Variants in COL28A1 observed in about 807,000 individuals in gnomAD.
The protein encoded by COL28A1 is collagen alpha-1(XXVIII) chain.
COL28A1 carries 161 observed loss-of-function variants against 150.2 expected under a neutral mutation model. That is an observed-to-expected ratio of 1.07 (90% CI 0.94 to 1.22). The LOEUF is 1.22. Ranked by LOEUF, COL28A1 falls within the 50% of genes most tolerant of loss-of-function variation. COL28A1 has a pLI of 0.00. For synonymous variants in COL28A1, 552 were observed against 469.7 expected (o/e 1.18, Z -2.26); for missense variants, 1,617 against 1,388.3 (o/e 1.16, Z -2.62).
At chr7:7,452,215 A>G (rs922409579) in intron 18 of COL28A1, 104 bp downstream of exon 18, 2 of 1,496,108 alleles carry the variant, frequency 1.3e-6, no homozygotes, top group Non-Finnish European at 1.8e-6. Context: ...CATTATGTAG[A>G]GTTAGATAAC....
intron 20 of COL28A1, among the ~76,000 whole-genome samples, chr7:7,442,627 A>G (rs6949534): frequency 0.099 from 15,021 of 152,280 alleles, 909 homozygotes; most frequent in Middle Eastern, 0.21. Flanking sequence ...CAAGACATCA[A>G]TTACTATTTT....
intron 21 of COL28A1, 61 bp downstream of exon 21, chr7:7,440,729 A>G (rs1785705417): frequency 5.8e-6 from 4 of 694,892 alleles, no homozygotes; most frequent in African/African-American, 1.9e-5. Context: ...ATTTAATACT[A>G]TATTAAAACC....
In COL28A1 at chr7:7,458,066, C is replaced by A. The variant is rs887082335; in HGVS notation, c.1303-1954G>T. 7.9e-5 allele frequency among the ~76,000 whole-genome samples: 12 copies of A among 152,144 alleles called. 1 individual carries two copies. The highest frequency in any genetic ancestry group is 2.9e-4 in the African/African-American group (12 of 41,452). ...ATAACATTTTATTTGTAAAAACAGG[C>A]AGCCAGCTCAACAGTTGGCCAATGT... On this transcript the variant is annotated intron_variant, in intron 15 of 34. Transcript: ENST00000399429.
intron 14 of COL28A1, 117 bp downstream of exon 14, chr7:7,476,995 A>G: frequency 1.0e-5 from 7 of 676,316 alleles, no homozygotes; most frequent in East Asian, 7.5e-5. Context: ...TAAATGGAAT[A>G]AAGATGGTCA....
At chr7:7,471,226 G>A (rs1788400204) in intron 15 of COL28A1, among the ~76,000 whole-genome samples, 1 of 150,404 alleles carries the variant, frequency 6.6e-6, no homozygotes, top group Non-Finnish European at 1.5e-5. Context: ...AGACTGAAAT[G>A]GTAATTTTAA....
intron 27 of COL28A1, among the ~76,000 whole-genome samples, chr7:7,415,596 C>T (rs554682230): frequency 2.6e-5 from 4 of 152,204 alleles, no homozygotes; most frequent in South Asian, 2.1e-4. Context: ...TGCAGTGGTG[C>T]GATCTTGGCT....
chr7:7,532,348 T>C (rs1782415764), intron 2 of COL28A1, among the ~76,000 whole-genome samples: 1 of 152,044 alleles, frequency 6.6e-6, no homozygotes, highest in African/African-American at 2.4e-5. Flanking sequence ...ATACCCCCTA[T>C]ACCAAGAGTA....
the COL28A1 span, among the ~76,000 whole-genome samples, chr7:7,348,909 A>C: frequency 6.6e-6 from 1 of 151,892 alleles, no homozygotes; most frequent in South Asian, 2.1e-4. Flanking sequence ...CACCCAGATA[A>C]TTTTTTAAAT....
chr7:7,530,807 AAAG>A (rs1463931907), intron 3 of COL28A1, among the ~76,000 whole-genome samples: 1 of 152,224 alleles, frequency 6.6e-6, no homozygotes, highest in Non-Finnish European at 1.5e-5. Context: ...AACATCTAAG[AAAG>A]AAGGAGGTAA....
chr7:7,418,737 C>A (rs1417184084), intron 26 of COL28A1, among the ~76,000 whole-genome samples: 2 of 151,732 alleles, frequency 1.3e-5, no homozygotes, highest in Non-Finnish European at 2.9e-5. Context: ...GGAATACCTG[C>A]CCATTGCAAA....
At chr7:7,372,616 T>G (rs1781296528) in intron 32 of COL28A1, among the ~76,000 whole-genome samples, 1 of 152,112 alleles carries the variant, frequency 6.6e-6, no homozygotes, top group Non-Finnish European at 1.5e-5. Flanking sequence ...TAATTCATTT[T>G]GATTTCCTGA....
intron 25 of COL28A1, among the ~76,000 whole-genome samples, chr7:7,428,294 C>A (rs985855248): frequency 2.0e-5 from 3 of 152,114 alleles, no homozygotes; most frequent in Non-Finnish European, 2.9e-5. Flanking sequence ...CACTCCAAGG[C>A]TTTGGAGCGG....
rs769305914 is a variant in COL28A1, at chr7:7,524,218, G to A, written c.702+11C>T. 4.8e-6 allele frequency: 6 copies of A among 1,248,594 alleles called. No individual in the cohort carries two copies. Among genetic ancestry groups the A allele is most frequent in the African/African-American group, 1.5e-5 (1 of 68,386 alleles). 77.3% of individuals were successfully genotyped at this position (1,248,594 alleles called of 1,614,324 possible). On this transcript the variant is annotated intron_variant, in intron 4 of 34. Coordinates refer to ENST00000399429, the MANE Select transcript of COL28A1 (RefSeq NM_001037763.3). ...GAGTAATTCGTAGTAATCAAAGCAT[G>A]TGGTGCTTACCTTCTTTTCAAATAA...
At chr7:7,433,408 G>A (rs1463774810) in intron 23 of COL28A1, among the ~76,000 whole-genome samples, 1 of 152,068 alleles carries the variant, frequency 6.6e-6, no homozygotes, top group Non-Finnish European at 1.5e-5. Flanking sequence ...AGCTGAGGTG[G>A]GTGGATCACC....
intron 27 of COL28A1, among the ~76,000 whole-genome samples, chr7:7,392,291 G>C (rs1002941105): frequency 6.8e-6 from 1 of 146,276 alleles, no homozygotes; most frequent in African/African-American, 2.5e-5. Flanking sequence ...TAAGAATGTT[G>C]AATATTGGCT....
chr7:7,489,384 C>T lies in COL28A1; in HGVS notation c.1164+5G>A, dbSNP rs1160620836. On this transcript the variant is annotated splice_donor_5th_base_variant and intron_variant, in intron 13 of 34. Transcript: ENST00000399429. ...TTCATTCCATCTAGAATTTTTGCTA[C>T]TTACTGGCTGTCCAGGCTCACCAAC... 2 of 1,255,226 alleles carry T rather than the reference C, an allele frequency of 1.6e-6. No individual in the cohort carries two copies. Among genetic ancestry groups the T allele is most frequent in the South Asian group, 1.2e-5 (1 of 84,034 alleles). 77.8% of individuals were successfully genotyped at this position (1,255,226 alleles called of 1,614,324 possible).
rs184622271 is a variant in COL28A1, at chr7:7,523,297, A to G, written c.702+932T>C. Among the ~76,000 whole-genome samples the G allele has an allele frequency of 3.2e-3, 493 of 151,862 alleles. 2 individuals carry two copies. The highest frequency in any genetic ancestry group is 5.5e-3 in the Non-Finnish European group (372 of 67,948). On this transcript the variant is annotated intron_variant, in intron 4 of 34. Transcript: ENST00000399429. The stretch of plus-strand genomic sequence containing the variant: ...CTCAGCCTCCTGAGTAGCTGGGACT[A>G]CAGTCATGCACCATCACCCCCAGCT...
At chr7:7,379,744 C>T (rs73674513) in intron 30 of COL28A1, among the ~76,000 whole-genome samples, 8,361 of 152,244 alleles carry the variant, frequency 0.055, 787 homozygotes, top group African/African-American at 0.19. Context: ...CTACAGGGAA[C>T]GTTCCTCTGC....
chr7:7,412,649 A>T (rs1344802232), intron 27 of COL28A1, among the ~76,000 whole-genome samples: 1 of 152,110 alleles, frequency 6.6e-6, no homozygotes, highest in Admixed American at 6.5e-5. Context: ...CAACTTTAGG[A>T]AACAGTACTG....
Sources: allele counts gnomAD v4.1 joint callset (sites outside exome capture counted in the v4.1 genomes callset), GRCh38; gene constraint gnomAD v4.1.1; transcripts MANE v1.5; gene names NCBI Gene and HGNC (gene_info 2026-07-23, HGNC 2026-07-21).